The following INTS9 variants were observed in gnomAD, a reference collection of about 807,000 sequenced individuals.
INTS9 encodes the protein integrator complex subunit 9.
Under a neutral mutation model 79.7 loss-of-function variants are expected in INTS9, and 55 were observed. The observed-to-expected ratio is 0.69, with a 90% CI of 0.56 to 0.86. The LOEUF is 0.86. Among genes scored for constraint, INTS9 ranks in the 40% least tolerant of loss-of-function variants. The pLI is 0.00. For synonymous variants in INTS9, 319 were observed against 325.2 expected, an observed-to-expected ratio of 0.98 and a Z score of 0.20; for missense variants, 721 against 831.5, an observed-to-expected ratio of 0.87 and a Z score of 1.64.
At chr8:28,831,542 C>T (rs1806487500) in intron 6 of INTS9, among the ~76,000 whole-genome samples, 1 of 152,182 alleles carries the variant, frequency 6.6e-6, no homozygotes, top group Non-Finnish European at 1.5e-5. Flanking sequence ...CTCCTTTAGC[C>T]TCATTCATAC....
chr8:28,837,823 C>T (rs1806903732), intron 4 of INTS9, 47 bp from the exon 5 acceptor site: 2 of 1,528,676 alleles, frequency 1.3e-6, no homozygotes, highest in East Asian at 2.4e-5. Context: ...AGGGATCGAT[C>T]AATATGATGT....
At chr8:28,832,997 C>T (rs1040677731) in intron 6 of INTS9, among the ~76,000 whole-genome samples, 2 of 151,944 alleles carry the variant, frequency 1.3e-5, no homozygotes, top group Admixed American at 6.6e-5. Flanking sequence ...ACCTACCTAT[C>T]TACCTATTTA....
chr8:28,844,328 C>T (rs1431071244), intron 4 of INTS9, among the ~76,000 whole-genome samples: 2 of 151,524 alleles, frequency 1.3e-5, no homozygotes, highest in Non-Finnish European at 2.9e-5. Context: ...ATCGCTTGAG[C>T]TCAGGAGTTC....
rs369458399 is a variant in INTS9 at position 28,859,541 on chromosome 8, G to A, written c.32C>T (p.Thr11Ile). 12 of 1,614,040 alleles carry A rather than the reference G, an allele frequency of 7.4e-6. No individual in the cohort carries two copies. Among genetic ancestry groups the A allele is most frequent in the Non-Finnish European group, 9.3e-6 (11 of 1,180,004 alleles). The change falls in exon 2 of 17, where the codon ACC becomes ATC. Residue 11 changes from threonine (T) to isoleucine (I), a missense_variant. Thr to Ile is a moderately conservative substitution (Grantham distance 89, BLOSUM62 -1). Coordinates refer to ENST00000521022, the MANE Select transcript of INTS9 (RefSeq NM_018250.4). ...GAATTTGAGCACATTGCATGGTAAG[G>A]TTGGGTGCCCTGACAGGCAATACTG... MKLYCLSGHPTLPCNVLKFKS... is the reference protein window; with the variant it reads MKLYCLSGHPILPCNVLKFKS...
At chr8:28,865,307 G>A (rs1487125935) in intron 1 of INTS9, among the ~76,000 whole-genome samples, 1 of 151,548 alleles carries the variant, frequency 6.6e-6, no homozygotes, top group East Asian at 1.9e-4. Flanking sequence ...AAAAGTAGAT[G>A]TATCTATACG....
chr8:28,827,251 A>C (rs1171154466), intron 6 of INTS9, among the ~76,000 whole-genome samples: 2 of 152,208 alleles, frequency 1.3e-5, no homozygotes, highest in Non-Finnish European at 2.9e-5. Flanking sequence ...CTTTGTTCTT[A>C]CCACACTTGA....
intron 8 of INTS9, among the ~76,000 whole-genome samples, chr8:28,803,539 T>A (rs1303674239): frequency 3.3e-5 from 5 of 152,190 alleles, no homozygotes; most frequent in African/African-American, 9.7e-5. Context: ...TAAGTTTTTT[T>A]AAGGAAAAAA....
Position 28,837,760 on chromosome 8 carries a change from A to T in INTS9, c.278T>A (p.Leu93Gln). ...GATGAGAATCACATCTACTGTAGAC[A>T]GATCTATTAGCTCCGTCTGAAAAGA... Reference protein sequence around the residue: ...FCLPETELIDLSTVDVILISN... With the variant: ...FCLPETELIDQSTVDVILISN... The change falls in exon 5 of 17, where the codon CTG (leucine) becomes CAG (glutamine). Residue 93 changes from leucine to glutamine, a missense_variant. Around this residue, in one of 3 missense-constraint regions of INTS9, gnomAD observed 291 missense variants for 307.0 expected, o/e 0.95. Transcript: ENST00000521022. The T allele has an allele frequency of 6.2e-7, 1 of 1,613,194 alleles. No homozygotes were observed. Among genetic ancestry groups the T allele is most frequent in the Non-Finnish European group, 8.5e-7 (1 of 1,179,268 alleles).
intron 1 of INTS9, among the ~76,000 whole-genome samples, chr8:28,881,176 C>T (rs1809756671): frequency 7.2e-6 from 1 of 139,382 alleles, no homozygotes; most frequent in Non-Finnish European, 1.6e-5. Flanking sequence ...AGGTGAGGGG[C>T]GCCTCTGCCC....
intron 1 of INTS9, among the ~76,000 whole-genome samples, chr8:28,861,102 T>C (rs752721429): frequency 1.6e-4 from 24 of 152,246 alleles, no homozygotes; most frequent in Non-Finnish European, 3.4e-4. Context: ...TCTGAAAAGA[T>C]ATAAGGCACT....
chr8:28,847,233 T>C (rs549949476), intron 3 of INTS9, among the ~76,000 whole-genome samples: 9 of 152,300 alleles, frequency 5.9e-5, no homozygotes, highest in African/African-American at 1.9e-4. Context: ...CCATGGAATA[T>C]GTATTTATAA....
At chr8:28,882,816 A>C (rs375613528) in intron 1 of INTS9, among the ~76,000 whole-genome samples, 191 of 152,302 alleles carry the variant, frequency 1.3e-3, no homozygotes, top group African/African-American at 4.1e-3. Context: ...GCTTTCAATA[A>C]ATTTAAACAT....
intron 1 of INTS9, among the ~76,000 whole-genome samples, chr8:28,861,587 T>G (rs1404780675): frequency 6.6e-6 from 1 of 152,212 alleles, no homozygotes; most frequent in Admixed American, 6.5e-5. Context: ...TTTACTACAT[T>G]TTTATAATCA....
chr8:28,789,032 G>A (rs1803775546), intron 10 of INTS9, among the ~76,000 whole-genome samples: 4 of 152,070 alleles, frequency 2.6e-5, no homozygotes, highest in African/African-American at 7.2e-5. Context: ...CCTTAGTTTC[G>A]TTTAAGTTTG....
intron 6 of INTS9, among the ~76,000 whole-genome samples, chr8:28,830,797 C>T (rs1185428789): frequency 6.6e-6 from 1 of 152,086 alleles, no homozygotes; most frequent in Non-Finnish European, 1.5e-5. Context: ...AACTATGGCT[C>T]ATCTCATGCT....
Position 28,770,975 on chromosome 8 carries a change from C to G in INTS9, c.1662+7G>C, listed in dbSNP as rs374538823. Reference sequence around the variant, plus strand: ...GGTCCCCTGCACTCCCACCCAGCACCCCCTACCTGAAGCAAGTGCTTGTTA... The same window carrying G: ...GGTCCCCTGCACTCCCACCCAGCACGCCCTACCTGAAGCAAGTGCTTGTTA... On this transcript the variant is annotated splice_region_variant and intron_variant, in intron 15 of 16. Transcript: ENST00000521022. 18 of 1,610,724 alleles carry G rather than the reference C, an allele frequency of 1.1e-5. No homozygotes were observed. The highest frequency in any genetic ancestry group is 5.0e-5 in the Admixed American group (3 of 59,942).
intron 3 of INTS9, among the ~76,000 whole-genome samples, chr8:28,848,420 A>G (rs868307927): frequency 3.3e-5 from 5 of 152,322 alleles, no homozygotes; most frequent in South Asian, 4.1e-4. Flanking sequence ...GTCTCATATC[A>G]GAACCTTGAT....
intron 4 of INTS9, among the ~76,000 whole-genome samples, chr8:28,844,377 C>CA (rs1053336350): frequency 2.6e-5 from 4 of 151,874 alleles, no homozygotes; most frequent in African/African-American, 9.7e-5. Context: ...CCCATCTCTA[C>CA]AAAAAATACA....
chr8:28,812,452 CA>C lies in INTS9; in HGVS notation c.618del (p.Phe206LeufsTer6). ...CTCAGAGGAGTCACCTGGACCGCAC[CA>C]AAAAGCTCCTAAAAGAGAACCACAG... ...LVGYSQKIEL[F>X]GAVQVTPLSS... On this transcript the variant is annotated frameshift_variant, in exon 8 of 17. Transcript: ENST00000521022. LOFTEE classifies it high-confidence loss of function. 6.2e-7 allele frequency: 1 copy of C among 1,612,816 alleles called. No individual in the cohort carries two copies. Among genetic ancestry groups the C allele is most frequent in the East Asian group, 2.2e-5 (1 of 44,830 alleles).
Sources: allele counts gnomAD v4.1 joint callset (sites outside exome capture counted in the v4.1 genomes callset), GRCh38; gene constraint gnomAD v4.1.1; regional missense constraint gnomAD v4.1.1; transcripts MANE v1.5; gene names NCBI Gene and HGNC (gene_info 2026-07-23, HGNC 2026-07-21).